PTPRE: variants seen among roughly 807,000 people sequenced by gnomAD.
PTPRE encodes receptor-type tyrosine-protein phosphatase epsilon.
In PTPRE, 51 loss-of-function variants were observed where a neutral mutation model predicts 102.0. The observed-to-expected ratio is 0.50, with a 90% CI of 0.40 to 0.63. The LOEUF (loss-of-function observed/expected upper bound fraction) is 0.63. Among genes scored for constraint, PTPRE ranks in the 30% least tolerant of loss-of-function variants. The pLI, the probability that PTPRE is intolerant of heterozygous loss-of-function variation, is 0.00. For synonymous variants in PTPRE, 345 were observed against 348.2 expected (o/e 0.99, Z 0.10); for missense variants, 752 against 915.1 (o/e 0.82, Z 2.30).
At chr10:128,037,144 G>T (rs569007841) in intron 2 of PTPRE, among the ~76,000 whole-genome samples, 3 of 152,318 alleles carry the variant, frequency 2.0e-5, no homozygotes, top group Admixed American at 2.0e-4. Context: ...ATTGTTAATG[G>T]AAAATGAGCC....
chr10:127,961,595 G>A lies in PTPRE; in HGVS notation c.-30-20679G>A, dbSNP rs372469505. On this transcript the variant is annotated intron_variant, in intron 1 of 20. Transcript: ENST00000254667. ...TCACTTCTTCACAAGGGTGGGCCCC[G>A]CCTTAGACTGCTGGGTGACACCTGT... Among the ~76,000 whole-genome samples the A allele has an allele frequency of 5.9e-5, 9 of 152,246 alleles. No homozygotes were observed. In the South Asian group the frequency reaches 6.2e-4, roughly 11 times the overall value.
Position 128,073,317 on chromosome 10 carries a change from C to T in PTPRE, c.1465-20C>T. 1 of 1,613,568 alleles carries T rather than the reference C, an allele frequency of 6.2e-7. No individual in the cohort carries two copies. The highest frequency in any genetic ancestry group is 1.1e-5 in the South Asian group (1 of 91,008). ...GGATGGAAGGAAGTCAGACTCTAAC[C>T]TCTGCGCCTCCATTTGAAGGGCTAC... On this transcript the variant is annotated intron_variant, in intron 16 of 20. Transcript: ENST00000254667.
At chr10:127,939,777 C>A (rs959088747) in intron 1 of PTPRE, among the ~76,000 whole-genome samples, 2 of 151,428 alleles carry the variant, frequency 1.3e-5, no homozygotes, top group African/African-American at 4.9e-5. Flanking sequence ...CAGGTGTGGG[C>A]AGGTGCAGGC....
chr10:128,009,873 C>T (rs1844835893), intron 2 of PTPRE, among the ~76,000 whole-genome samples: 1 of 152,180 alleles, frequency 6.6e-6, no homozygotes, highest in African/African-American at 2.4e-5. Context: ...GGCCTCACCC[C>T]CCTCCATGGC....
chr10:127,982,489 CGTGTGTGTGTGTGTGTGTGT>C (rs59170572), intron 2 of PTPRE, among the ~76,000 whole-genome samples, 193 bp downstream of exon 2: 5 of 142,720 alleles, frequency 3.5e-5, no homozygotes, highest in African/African-American at 1.3e-4. Flanking sequence ...ACATCATTTG[CGTGTGTGTGTGTGTGTGTGT>C]GTGTGTGTGT....
intron 2 of PTPRE, among the ~76,000 whole-genome samples, chr10:128,040,525 A>G (rs1039329657): frequency 1.3e-5 from 2 of 152,054 alleles, no homozygotes; most frequent in African/African-American, 4.8e-5. Flanking sequence ...CCAGGATGCC[A>G]GGCTAGGTCA....
chr10:127,985,773 T>C (rs755076439), intron 2 of PTPRE, among the ~76,000 whole-genome samples: 3 of 151,924 alleles, frequency 2.0e-5, no homozygotes, highest in Non-Finnish European at 2.9e-5. Flanking sequence ...ATTCCAATTT[T>C]TCACTTAAAA....
At chr10:128,006,017 C>A (rs1300507697) in intron 2 of PTPRE, among the ~76,000 whole-genome samples, 1 of 152,194 alleles carries the variant, frequency 6.6e-6, no homozygotes, top group Non-Finnish European at 1.5e-5. Flanking sequence ...AGACACCAGT[C>A]ATTGGATTAG....
rs752942923 is a variant in PTPRE, at chr10:128,077,773, G to A, written c.1882G>A (p.Val628Met). 1.9e-6 allele frequency: 3 copies of A among 1,595,792 alleles called. No individual in the cohort carries two copies. Among genetic ancestry groups the A allele is most frequent in the South Asian group, 1.1e-5 (1 of 90,362 alleles). Residue 628 changes from valine to methionine, a missense_variant, in exon 19 of 21, where the codon GTG becomes ATG. By Grantham distance (21) the Val-to-Met change is conservative. This residue lies in a region of PTPRE where 636 missense variants were observed against 824.4 expected (regional missense o/e 0.77). Coordinates refer to ENST00000254667, the MANE Select transcript of PTPRE (RefSeq NM_006504.6). ...GCAGACAGGCAACCACCCCATCACCGTGCACTGCAGGTGAGCCCCCAGCCC... is the reference window on the plus strand; with the variant it reads ...GCAGACAGGCAACCACCCCATCACCATGCACTGCAGGTGAGCCCCCAGCCC... ...QQQTGNHPIT[V>M]HCSAGAGRTG...
At chr10:127,918,636 G>T (rs1295272637) in intron 1 of PTPRE, among the ~76,000 whole-genome samples, 2 of 151,846 alleles carry the variant, frequency 1.3e-5, no homozygotes, top group Non-Finnish European at 2.9e-5. Context: ...AAGGCTGAAA[G>T]AATCTTGGCT....
At chr10:128,059,509 C>T (rs1849326539) in intron 7 of PTPRE, among the ~76,000 whole-genome samples, 1 of 152,196 alleles carries the variant, frequency 6.6e-6, no homozygotes, top group East Asian at 1.9e-4. Flanking sequence ...ACACCACAAA[C>T]ACAACCCACC....
intron 1 of PTPRE, among the ~76,000 whole-genome samples, chr10:127,964,671 A>C (rs1850101817): frequency 6.6e-6 from 1 of 152,106 alleles, no homozygotes; most frequent in African/African-American, 2.4e-5. Flanking sequence ...TCACATTCAA[A>C]GGGCACTCGC....
chr10:128,046,426 C>T (rs1368918768), intron 3 of PTPRE, among the ~76,000 whole-genome samples: 9 of 152,154 alleles, frequency 5.9e-5, no homozygotes, highest in Non-Finnish European at 1.3e-4. Flanking sequence ...TCGTTGCCTT[C>T]GAGGGGCTTC....
intron 1 of PTPRE, among the ~76,000 whole-genome samples, chr10:127,931,362 C>T (rs987101284): frequency 2.0e-5 from 3 of 152,174 alleles, no homozygotes; most frequent in African/African-American, 7.2e-5. Context: ...CCAAAGGATT[C>T]GTGTTCCAGA....
chr10:127,992,824 A>ACC (rs1852817756), intron 2 of PTPRE, among the ~76,000 whole-genome samples: 1 of 152,226 alleles, frequency 6.6e-6, no homozygotes, highest in East Asian at 1.9e-4. Context: ...AAACTCAAAT[A>ACC]TGTGGTCAGA....
At chr10:128,048,768 A>G (rs1021943297) in intron 5 of PTPRE, among the ~76,000 whole-genome samples, 5 of 152,270 alleles carry the variant, frequency 3.3e-5, no homozygotes, top group Middle Eastern at 3.4e-3. Flanking sequence ...CCCATCTGTC[A>G]CTTGGAGGAA....
chr10:128,046,116 C>G (rs567216371), intron 3 of PTPRE, among the ~76,000 whole-genome samples: 1 of 152,320 alleles, frequency 6.6e-6, no homozygotes, highest in East Asian at 1.9e-4. Flanking sequence ...ATGGTGCGGA[C>G]CACTCATAGG....
intron 1 of PTPRE, among the ~76,000 whole-genome samples, chr10:127,911,027 A>G (rs1412876399): frequency 6.6e-6 from 1 of 152,194 alleles, no homozygotes; most frequent in Non-Finnish European, 1.5e-5. Flanking sequence ...GGCTGCAGTG[A>G]GCCATGTTCA....
Position 128,000,485 on chromosome 10 carries a change from A to G in PTPRE, c.-8+18189A>G, listed in dbSNP as rs1853762651. The stretch of plus-strand genomic sequence containing the variant: ...TTCTTTTCTCTCTCTCTCTTTTTTT[A>G]GAAGCATACTGCTTATAGTTTAAGA... On this transcript the variant is annotated intron_variant, in intron 2 of 20. Transcript: ENST00000254667. Among the ~76,000 whole-genome samples the G allele has an allele frequency of 4.6e-5, 7 of 152,166 alleles. No homozygotes were observed. The South Asian group carries it at 1.2e-3, about 27-fold the overall frequency.
Sources: gnomAD v4.1 joint callset for allele counts (sites outside exome capture counted in the v4.1 genomes callset) on GRCh38, gnomAD v4.1.1 for gene constraint, gnomAD v4.1.1 regional missense constraint, MANE v1.5 for transcripts, NCBI Gene and HGNC (gene_info 2026-07-23, HGNC 2026-07-21) for gene names.